Variants in DLG2 observed in about 807,000 individuals in gnomAD.
DLG2 encodes the protein discs large MAGUK scaffold protein 2, also known as disks large homolog 2.
In DLG2, 45 loss-of-function variants were observed where a neutral mutation model predicts 132.5. That is an observed-to-expected ratio of 0.34 (90% CI 0.27 to 0.44). The LOEUF is 0.44. DLG2 is among the 20% of genes least tolerant of loss of function. The pLI, the probability that DLG2 is intolerant of heterozygous loss-of-function variation, is 1.00. For synonymous variants in DLG2, 424 were observed against 419.6 expected (o/e 1.01, Z -0.13); for missense variants, 1,045 against 1,196.9 (o/e 0.87, Z 1.87).
chr11:84,574,344 T>A (rs775519049), intron 6 of DLG2, among the ~76,000 whole-genome samples: 33 of 150,530 alleles, frequency 2.2e-4, no homozygotes, highest in Non-Finnish European at 3.7e-4. Context: ...TCCCCTAAAC[T>A]AATATTTCTC....
intron 18 of DLG2, among the ~76,000 whole-genome samples, chr11:83,673,796 T>G (rs903598069): frequency 6.6e-6 from 1 of 152,232 alleles, no homozygotes; most frequent in African/African-American, 2.4e-5. Flanking sequence ...TGAGATAACA[T>G]GTATTCAGTG....
At chr11:84,824,427 G>A (rs1245721369) in intron 6 of DLG2, among the ~76,000 whole-genome samples, 1 of 151,900 alleles carries the variant, frequency 6.6e-6, no homozygotes, top group Non-Finnish European at 1.5e-5. Flanking sequence ...AAATACTATG[G>A]GGTTTACAAA....
At chr11:84,039,324 T>G (rs1341347008) in intron 11 of DLG2, among the ~76,000 whole-genome samples, 19 of 149,486 alleles carry the variant, frequency 1.3e-4, no homozygotes, top group Admixed American at 4.0e-4. Context: ...ACCCACTAAC[T>G]CGTCATCTAC....
Position 85,615,825 on chromosome 11 carries a change from G to A in DLG2, c.-93+10762C>T, listed in dbSNP as rs2081294966. 4.6e-5 allele frequency among the ~76,000 whole-genome samples: 7 copies of A among 151,976 alleles called. No individual in the cohort carries two copies. The South Asian group carries it at 1.5e-3, about 32-fold the overall frequency. ...ATGCATCATTGCCATATCTGGACAG[G>A]CTTGTTCCAGAAGCTGACCACGAAG... On this transcript the variant is annotated intron_variant, in intron 2 of 27. Coordinates refer to ENST00000376104, the MANE Select transcript of DLG2 (RefSeq NM_001142699.3).
At chr11:85,590,264 C>T (rs982817487) in intron 3 of DLG2, among the ~76,000 whole-genome samples, 4 of 152,020 alleles carry the variant, frequency 2.6e-5, no homozygotes, top group African/African-American at 4.8e-5. Context: ...AGAACTGGTC[C>T]CTGCATTCAA....
At chr11:84,059,784 T>G (rs906580753) in intron 10 of DLG2, among the ~76,000 whole-genome samples, 2 of 152,182 alleles carry the variant, frequency 1.3e-5, no homozygotes, top group African/African-American at 4.8e-5. Context: ...GCATGTATTT[T>G]AAGGCCTCTG....
intron 7 of DLG2, among the ~76,000 whole-genome samples, chr11:84,398,075 A>C (rs2098816902): frequency 6.6e-6 from 1 of 152,214 alleles, no homozygotes; most frequent in African/African-American, 2.4e-5. Flanking sequence ...CTGTTATTTA[A>C]AGCAGCTTAG....
intron 18 of DLG2, among the ~76,000 whole-genome samples, chr11:83,724,016 C>T (rs1189081793): frequency 1.3e-5 from 2 of 152,170 alleles, no homozygotes; most frequent in Non-Finnish European, 2.9e-5. Context: ...ACATTCTTAA[C>T]TATGAAGCTA....
rs532178397 is a variant in DLG2 at position 84,766,379 on chromosome 11, G to A, written c.358-231648C>T. On this transcript the variant is annotated intron_variant, in intron 6 of 27. Transcript: ENST00000376104. Reference sequence around the variant, plus strand: ...TTACATCTATTTGAAATTTTCATGAGTACAGTGACCATGTCTTCTTTTTTC... The same window carrying A: ...TTACATCTATTTGAAATTTTCATGAATACAGTGACCATGTCTTCTTTTTTC... Among the ~76,000 whole-genome samples the A allele has an allele frequency of 2.0e-5, 3 of 152,040 alleles. No individual in the cohort carries two copies. In the South Asian group the frequency reaches 6.2e-4, roughly 32 times the overall value.
chr11:85,360,756 A>C (rs1315066712), intron 3 of DLG2, among the ~76,000 whole-genome samples: 1 of 152,172 alleles, frequency 6.6e-6, no homozygotes. Context: ...GCTAAGAGTG[A>C]TTCAACTTCA....
intron 6 of DLG2, among the ~76,000 whole-genome samples, chr11:84,993,536 C>T (rs1174950115): frequency 6.6e-6 from 1 of 152,152 alleles, no homozygotes. Context: ...ATCTTACTAA[C>T]CTGTTTACTT....
At chr11:85,504,664 TC>T (rs1235870151) in intron 3 of DLG2, among the ~76,000 whole-genome samples, 1 of 152,208 alleles carries the variant, frequency 6.6e-6, no homozygotes, top group Non-Finnish European at 1.5e-5. Context: ...CCAGCTTTGT[TC>T]TTTTGCCTTA....
intron 7 of DLG2, among the ~76,000 whole-genome samples, chr11:84,281,517 T>C (rs926587018): frequency 3.9e-5 from 6 of 152,034 alleles, no homozygotes; most frequent in Non-Finnish European, 5.9e-5. Context: ...TGTATACATG[T>C]GCCATGCTGG....
chr11:83,875,816 ATTCAGAAC>A (rs2064635570), intron 15 of DLG2, among the ~76,000 whole-genome samples: 1 of 152,192 alleles, frequency 6.6e-6, no homozygotes, highest in South Asian at 2.1e-4. Flanking sequence ...AGAGTCTTTC[ATTCAGAAC>A]CTTGGTCACC....
chr11:83,933,111 AAGAAATGCCG>A (rs2080694287), intron 14 of DLG2, among the ~76,000 whole-genome samples: 1 of 152,212 alleles, frequency 6.6e-6, no homozygotes, highest in South Asian at 2.1e-4. Context: ...TCAGACAAAC[AAGAAATGCCG>A]TTTTATAAAC....
intron 4 of DLG2, among the ~76,000 whole-genome samples, chr11:85,164,579 C>G (rs1368217613): frequency 6.6e-6 from 1 of 152,082 alleles, no homozygotes; most frequent in Non-Finnish European, 1.5e-5. Context: ...AAAAAAGACC[C>G]TGATCACTTC....
At chr11:83,983,016 C>T (rs1026368150) in intron 11 of DLG2, among the ~76,000 whole-genome samples, 5 of 152,054 alleles carry the variant, frequency 3.3e-5, no homozygotes, top group African/African-American at 1.2e-4. Flanking sequence ...TTGCTAAGTA[C>T]GCTCTATTAT....
intron 27 of DLG2, 107 bp downstream of exon 27, chr11:83,461,895 A>G (rs988018816): frequency 1.3e-5 from 10 of 747,272 alleles, no homozygotes; most frequent in Admixed American, 5.9e-5. Context: ...GGGATTCTCA[A>G]CAGGAAGGTT....
At chr11:84,017,298 A>G (rs2095238792) in intron 11 of DLG2, among the ~76,000 whole-genome samples, 1 of 152,074 alleles carries the variant, frequency 6.6e-6, no homozygotes, top group African/African-American at 2.4e-5. Context: ...AAATTCACAG[A>G]TGATTATAAA....
Sources: allele counts gnomAD v4.1 joint callset (sites outside exome capture counted in the v4.1 genomes callset), GRCh38; gene constraint gnomAD v4.1.1; transcripts MANE v1.5; gene names NCBI Gene and HGNC (gene_info 2026-07-23, HGNC 2026-07-21).